SLIT2: variants seen among roughly 807,000 people sequenced by gnomAD.
The protein encoded by SLIT2 is slit guidance ligand 2.
SLIT2 carries 41 observed loss-of-function variants against 185.7 expected under a neutral mutation model. The ratio of observed to expected loss-of-function variants is 0.22; its 90% CI spans 0.17 to 0.29. The LOEUF (loss-of-function observed/expected upper bound fraction) is 0.29, where lower values mean the gene tolerates loss of function less well. Among genes scored for constraint, SLIT2 ranks in the 10% least tolerant of loss-of-function variants. The pLI, the probability that SLIT2 is intolerant of heterozygous loss-of-function variation, is 1.00. For missense variants in SLIT2, 1,571 were observed against 1,909.0 expected, an observed-to-expected ratio of 0.82 and a Z score of 3.30; for synonymous variants, 693 against 680.2, an observed-to-expected ratio of 1.02 and a Z score of -0.29.
At position 20,595,760 on chromosome 4, in the gene SLIT2, C is replaced by T. The variant is rs1037012805; in HGVS notation, c.3246C>T (p.Asp1082=). 4 of 1,613,968 alleles carry T rather than the reference C, an allele frequency of 2.5e-6. No individual in the cohort carries two copies. In the African/African-American group the frequency reaches 4.0e-5, roughly 16 times the overall value. ...HCDIDFDDCQ[D]NKCKNGAHCT... ...ACATCGATTTTGACGACTGCCAAGA[C>T]AACAAGTGTAAAAACGGAGCCCACT... The change falls in exon 31 of 37, where the codon GAC becomes GAT. Residue 1082 remains aspartate, a synonymous_variant. Coordinates refer to ENST00000504154, the MANE Select transcript of SLIT2 (RefSeq NM_004787.4).
Position 20,472,518 on chromosome 4 carries a change from A to C in SLIT2, c.467+4695A>C, listed in dbSNP as rs566640128. The stretch of plus-strand genomic sequence containing the variant: ...GATATATATCTATATATAGATAGAT[A>C]TATATCTATATATAGATATATCTAT... On this transcript the variant is annotated intron_variant, in intron 5 of 36. Transcript: ENST00000504154. 2.7e-4 allele frequency among the ~76,000 whole-genome samples: 6 copies of C among 21,988 alleles called. 2 individuals are homozygous for C. The highest frequency in any genetic ancestry group is 1.1e-3 in the African/African-American group (4 of 3,612). 14.4% of individuals were successfully genotyped at this position (21,988 alleles called of 152,430 possible).
intron 25 of SLIT2, chr4:20,552,854 C>T (rs998635514): frequency 3.3e-5 from 5 of 152,140 alleles, no homozygotes; most frequent in Non-Finnish European, 5.9e-5. Flanking sequence ...TCAATCCAAC[C>T]TTTATAAGGT....
At chr4:20,304,030 T>C (rs1018300551) in intron 4 of SLIT2, among the ~76,000 whole-genome samples, 2 of 152,078 alleles carry the variant, frequency 1.3e-5, no homozygotes, top group Non-Finnish European at 2.9e-5. Flanking sequence ...ATCTGTAAAA[T>C]AGAAACATAA....
chr4:20,317,537 T>C, intron 4 of SLIT2, among the ~76,000 whole-genome samples: 1 of 152,084 alleles, frequency 6.6e-6, no homozygotes, highest in East Asian at 1.9e-4. Flanking sequence ...GAATCATTGC[T>C]CTTTTATTAG....
chr4:20,517,309 A>G (rs1017057094), intron 11 of SLIT2, among the ~76,000 whole-genome samples: 1 of 152,184 alleles, frequency 6.6e-6, no homozygotes, highest in Non-Finnish European at 1.5e-5. Flanking sequence ...CCAACCTTAG[A>G]ATCTGGCAAA....
intron 4 of SLIT2, among the ~76,000 whole-genome samples, chr4:20,400,620 A>G (rs906614470): frequency 1.3e-5 from 2 of 151,666 alleles, no homozygotes; most frequent in Non-Finnish European, 3.0e-5. Flanking sequence ...GTCATAAAAT[A>G]GAGATGGAAA....
chr4:20,340,992 T>G (rs1040904857), intron 4 of SLIT2, among the ~76,000 whole-genome samples: 1 of 152,056 alleles, frequency 6.6e-6, no homozygotes, highest in African/African-American at 2.4e-5. Flanking sequence ...TGGTTTCAAT[T>G]TCAAATAGAT....
At chr4:20,601,491 A>G (rs936090208) in intron 33 of SLIT2, among the ~76,000 whole-genome samples, 5 of 152,228 alleles carry the variant, frequency 3.3e-5, no homozygotes, top group African/African-American at 9.6e-5. Flanking sequence ...CTGTGTTCCC[A>G]TTGCATTCCT....
In SLIT2 at chr4:20,534,715, T is replaced by G. The variant is rs145089563; in HGVS notation, c.1832+1000T>G. ...TGCCCCGCACAGCCTGTGAGAGCCATGTATGACCAGTGGGCTGAAGGCTGA... is the reference window on the plus strand; with the variant it reads ...TGCCCCGCACAGCCTGTGAGAGCCAGGTATGACCAGTGGGCTGAAGGCTGA... On this transcript the variant is annotated intron_variant, in intron 18 of 36. Coordinates refer to ENST00000504154, the MANE Select transcript of SLIT2 (RefSeq NM_004787.4). Among the ~76,000 whole-genome samples, 288 of 152,200 alleles carry G rather than the reference T, an allele frequency of 1.9e-3. 2 individuals are homozygous for G. The highest frequency in any genetic ancestry group is 6.6e-3 in the African/African-American group (275 of 41,530).
At chr4:20,560,975 G>T (rs1028908960) in intron 26 of SLIT2, among the ~76,000 whole-genome samples, 1 of 151,814 alleles carries the variant, frequency 6.6e-6, no homozygotes, top group Non-Finnish European at 1.5e-5. Flanking sequence ...CTAAAAAATG[G>T]TATGGAAGTC....
intron 4 of SLIT2, among the ~76,000 whole-genome samples, chr4:20,298,200 T>C (rs1201028209): frequency 2.6e-5 from 4 of 151,852 alleles, no homozygotes; most frequent in African/African-American, 9.7e-5. Context: ...GCCATTCTCC[T>C]GCCTCAGCCT....
intron 9 of SLIT2, among the ~76,000 whole-genome samples, chr4:20,503,262 C>T (rs2148815773): frequency 6.6e-6 from 1 of 152,182 alleles, no homozygotes; most frequent in Middle Eastern, 3.4e-3. Context: ...GAGAATAACT[C>T]AGTGCAGGGG....
At chr4:20,428,287 G>A (rs894333027) in intron 4 of SLIT2, among the ~76,000 whole-genome samples, 4 of 152,104 alleles carry the variant, frequency 2.6e-5, no homozygotes, top group Admixed American at 1.3e-4. Flanking sequence ...AGAAATGCCC[G>A]CATGCCTGCC....
At chr4:20,404,309 T>C (rs1726597185) in intron 4 of SLIT2, among the ~76,000 whole-genome samples, 1 of 151,994 alleles carries the variant, frequency 6.6e-6, no homozygotes, top group Non-Finnish European at 1.5e-5. Context: ...TAGAACACTG[T>C]TCAATTTGTT....
chr4:20,610,063 T>G lies in SLIT2; in HGVS notation c.3743T>G (p.Leu1248Trp). The change falls in exon 34 of 37, where the codon TTG (leucine) becomes TGG (tryptophan). Residue 1248 changes from leucine (L) to tryptophan (W), a missense_variant. Physicochemically the swap from Leu to Trp is moderately conservative, Grantham distance 61 (BLOSUM62 -2). This residue lies in a region of SLIT2 where 146 missense variants were observed against 247.4 expected (regional missense o/e 0.59). Transcript: ENST00000504154. ...TTCCACATTGTGGAACTACTTGCCT[T>G]GGATCAGAGTCTCTCTTTGTCCGTG... Reference protein sequence around the residue: ...GNFHIVELLALDQSLSLSVDG... With the variant: ...GNFHIVELLAWDQSLSLSVDG... 1 of 1,613,766 alleles carries G rather than the reference T, an allele frequency of 6.2e-7. No individual in the cohort carries two copies. The highest frequency in any genetic ancestry group is 8.5e-7 in the Non-Finnish European group (1 of 1,179,738).
chr4:20,284,112 T>C (rs978446599), intron 4 of SLIT2, among the ~76,000 whole-genome samples: 4 of 152,176 alleles, frequency 2.6e-5, no homozygotes, highest in South Asian at 4.1e-4. Flanking sequence ...CTCCAGTGTT[T>C]ACTAGGTGGG....
At chr4:20,539,021 T>G (rs1258590674) in intron 18 of SLIT2, among the ~76,000 whole-genome samples, 1 of 152,192 alleles carries the variant, frequency 6.6e-6, no homozygotes, top group Non-Finnish European at 1.5e-5. Flanking sequence ...TCATCTGCAG[T>G]GGCTATTGAT....
intron 29 of SLIT2, among the ~76,000 whole-genome samples, chr4:20,585,679 C>T (rs1726996392): frequency 6.6e-6 from 1 of 152,166 alleles, no homozygotes; most frequent in Admixed American, 6.5e-5. Context: ...ATTTACAACA[C>T]TAACTCTGTA....
At chr4:20,333,456 G>A (rs1720235889) in intron 4 of SLIT2, among the ~76,000 whole-genome samples, 1 of 151,900 alleles carries the variant, frequency 6.6e-6, no homozygotes, top group Non-Finnish European at 1.5e-5. Context: ...TCACCTCCTT[G>A]TTTCTCCCTC....
Sources: allele counts gnomAD v4.1 joint callset (sites outside exome capture counted in the v4.1 genomes callset), GRCh38; gene constraint gnomAD v4.1.1; regional missense constraint gnomAD v4.1.1; transcripts MANE v1.5; gene names NCBI Gene and HGNC (gene_info 2026-07-23, HGNC 2026-07-21).